DENND1B: variants seen among roughly 807,000 people sequenced by gnomAD.
DENND1B encodes the protein DENN domain-containing protein 1B.
A neutral mutation model predicts 90.1 loss-of-function variants in DENND1B; 59 were observed. The observed-to-expected ratio is 0.65, with a 90% confidence interval of 0.53 to 0.81. The LOEUF (loss-of-function observed/expected upper bound fraction) is 0.81. Among genes scored for constraint, DENND1B ranks in the 40% least tolerant of loss-of-function variants. The pLI, the probability that DENND1B is intolerant of heterozygous loss-of-function variation, is 0.00. For synonymous variants in DENND1B, 337 were observed against 324.6 expected, an observed-to-expected ratio of 1.04 and a Z score of -0.41; for missense variants, 862 against 912.6, an observed-to-expected ratio of 0.94 and a Z score of 0.71.
At chr1:197,697,487 TAA>T (rs1053543669) in intron 3 of DENND1B, among the ~76,000 whole-genome samples, 1 of 151,702 alleles carries the variant, frequency 6.6e-6, no homozygotes, top group Non-Finnish European at 1.5e-5. Flanking sequence ...ACTCTCACCC[TAA>T]AAAGAGGACC....
intron 20 of DENND1B, among the ~76,000 whole-genome samples, chr1:197,539,386 T>G (rs1385091577): frequency 6.6e-6 from 1 of 152,132 alleles, no homozygotes; most frequent in East Asian, 1.9e-4. Context: ...ATATACCAAT[T>G]TTGTTTAGTT....
intron 15 of DENND1B, among the ~76,000 whole-genome samples, chr1:197,571,131 C>T (rs898215784): frequency 2.6e-5 from 4 of 152,160 alleles, no homozygotes; most frequent in African/African-American, 9.7e-5. Context: ...CATCACTTCT[C>T]TCCTGGACAA....
At chr1:197,754,305 G>C (rs1180830829) in intron 2 of DENND1B, among the ~76,000 whole-genome samples, 4 of 152,054 alleles carry the variant, frequency 2.6e-5, no homozygotes, top group Non-Finnish European at 5.9e-5. Context: ...TGATACTCAA[G>C]AACTTATTTG....
chr1:197,779,290 A>C (rs1478302990), upstream of DENND1B, among the ~76,000 whole-genome samples: 1 of 152,204 alleles, frequency 6.6e-6, no homozygotes, highest in Non-Finnish European at 1.5e-5. Context: ...GAACTTTGAA[A>C]GTAATCTTAA....
At chr1:197,652,020 A>T (rs1395661866) in intron 7 of DENND1B, among the ~76,000 whole-genome samples, 1 of 152,128 alleles carries the variant, frequency 6.6e-6, no homozygotes, top group Admixed American at 6.5e-5. Flanking sequence ...TTACAATAAA[A>T]TTTTTTAAAT....
intron 15 of DENND1B, among the ~76,000 whole-genome samples, chr1:197,579,941 T>C (rs145388332): frequency 1.3e-5 from 2 of 152,220 alleles, no homozygotes; most frequent in East Asian, 1.9e-4. Flanking sequence ...TTTCAACATG[T>C]TAAACATGGC....
intron 15 of DENND1B, among the ~76,000 whole-genome samples, 173 bp downstream of exon 15, chr1:197,582,976 TATA>T (rs1674376619): frequency 1.3e-5 from 2 of 152,210 alleles, no homozygotes; most frequent in South Asian, 4.1e-4. Context: ...AAAGTTATTA[TATA>T]ATATTTCTAG....
chr1:197,723,305 A>G (rs989266780), intron 2 of DENND1B, among the ~76,000 whole-genome samples: 7 of 152,208 alleles, frequency 4.6e-5, no homozygotes, highest in Non-Finnish European at 1.0e-4. Flanking sequence ...CTAATGGGTG[A>G]GAATTGAATT....
intron 3 of DENND1B, among the ~76,000 whole-genome samples, chr1:197,713,772 T>A (rs1423977556): frequency 2.1e-4 from 5 of 24,366 alleles, no homozygotes; most frequent in African/African-American, 1.2e-3. Context: ...TTATATTATA[T>A]TATTATATTA....
At chr1:197,634,758 G>C (rs538515313) in intron 10 of DENND1B, among the ~76,000 whole-genome samples, 1 of 152,216 alleles carries the variant, frequency 6.6e-6, no homozygotes, top group Non-Finnish European at 1.5e-5. Context: ...GGAGGCCGAG[G>C]CAGGAGTGTT....
At chr1:197,636,332 G>C (rs566583026) in intron 10 of DENND1B, among the ~76,000 whole-genome samples, 1 of 152,272 alleles carries the variant, frequency 6.6e-6, no homozygotes, top group Admixed American at 6.5e-5. Flanking sequence ...TCACTTCACT[G>C]TAAGTAATTC....
chr1:197,537,470 T>C (rs945872929), intron 20 of DENND1B, among the ~76,000 whole-genome samples: 2 of 152,130 alleles, frequency 1.3e-5, no homozygotes, highest in Non-Finnish European at 2.9e-5. Context: ...CCTAATACAA[T>C]TTTCTCTATC....
At chr1:197,768,956 G>C (rs1195318746) in intron 2 of DENND1B, among the ~76,000 whole-genome samples, 2 of 151,836 alleles carry the variant, frequency 1.3e-5, no homozygotes, top group Admixed American at 1.3e-4. Context: ...GCTTTATCAA[G>C]TTATATTTTA....
At chr1:197,707,763 C>G (rs1426863800) in intron 3 of DENND1B, among the ~76,000 whole-genome samples, 1 of 148,584 alleles carries the variant, frequency 6.7e-6, no homozygotes, top group Non-Finnish European at 1.5e-5. Flanking sequence ...GTCTACAGCT[C>G]CCAGCGTGAG....
chr1:197,611,108 C>T (rs1677146147), intron 12 of DENND1B, among the ~76,000 whole-genome samples: 1 of 150,778 alleles, frequency 6.6e-6, no homozygotes, highest in African/African-American at 2.4e-5. Flanking sequence ...CCAAAGCTAA[C>T]TCATTTAGGT....
In DENND1B at chr1:197,552,406, G is replaced by A. The variant is rs771468348; in HGVS notation, c.1240+616C>T. On this transcript the variant is annotated intron_variant, in intron 16 of 22. Transcript: ENST00000620048. ...GTCAAGACTATACACCACTACAATCGTGCAAAAATATCAGTTTGTAAATTA... is the reference window on the plus strand; with the variant it reads ...GTCAAGACTATACACCACTACAATCATGCAAAAATATCAGTTTGTAAATTA... 24 of 985,158 alleles carry A rather than the reference G, an allele frequency of 2.4e-5. No individual in the cohort carries two copies. In the East Asian group the frequency reaches 3.4e-4, roughly 14 times the overall value. 61.0% of individuals were successfully genotyped at this position (985,158 alleles called of 1,614,324 possible). A position where few individuals can be genotyped will look rare whatever the true frequency, so the allele number is the denominator to read the frequency against.
rs1040568946 is a variant in DENND1B at position 197,733,900 on chromosome 1, T to C, written c.83-18826A>G. On this transcript the variant is annotated intron_variant, in intron 2 of 22. Transcript: ENST00000620048. ...GGTCAGTAAATGTATTTTACCAACA[T>C]ACAACCCCTTCCTCTATACGTGCTC... 1.9e-5 allele frequency: 4 copies of C among 207,264 alleles called. No homozygotes were observed. The Admixed American group carries it at 2.6e-4, about 14-fold the overall frequency. 12.8% of individuals were successfully genotyped at this position (207,264 alleles called of 1,614,324 possible).
rs113308256 is a variant in DENND1B, at chr1:197,514,938, C to T, written c.1516-1985G>A. Among the ~76,000 whole-genome samples, 1,140 of 151,652 alleles carry T rather than the reference C, an allele frequency of 7.5e-3. 6 individuals carry two copies. Among genetic ancestry groups the T allele is most frequent in the Non-Finnish European group, 0.012 (799 of 67,728 alleles). On this transcript the variant is annotated intron_variant, in intron 20 of 22. Transcript: ENST00000620048. ...TAGATGGGAAATGGCATTTAAATTT[C>T]GAGTCTGGGTGCTATGGGTGCTTAT...
intron 15 of DENND1B, among the ~76,000 whole-genome samples, chr1:197,567,497 G>A (rs145262782): frequency 6.6e-6 from 1 of 152,190 alleles, no homozygotes; most frequent in African/African-American, 2.4e-5. Flanking sequence ...TATGTGGCCA[G>A]CATTACTCTC....
Sources: allele counts gnomAD v4.1 joint callset (sites outside exome capture counted in the v4.1 genomes callset), GRCh38; gene constraint gnomAD v4.1.1; transcripts MANE v1.5; gene names NCBI Gene and HGNC (gene_info 2026-07-23, HGNC 2026-07-21).